Variants in GLIS3 observed in about 807,000 individuals in gnomAD.
GLIS3 encodes the protein zinc finger protein GLIS3.
Under a neutral mutation model 78.6 loss-of-function variants are expected in GLIS3, and 53 were observed. That is an observed-to-expected ratio of 0.67 (90% CI 0.54 to 0.85). GLIS3 has a LOEUF of 0.85. GLIS3 is among the 40% of genes least tolerant of loss of function. The pLI, the probability that GLIS3 is intolerant of heterozygous loss-of-function variation, is 0.00. For synonymous variants in GLIS3, 684 were observed against 509.9 expected (o/e 1.34, Z -4.60); for missense variants, 1,703 against 1,231.1 (o/e 1.38, Z -5.74).
intron 2 of GLIS3, among the ~76,000 whole-genome samples, chr9:4,188,304 A>G (rs1382664003): frequency 6.7e-6 from 1 of 149,562 alleles, no homozygotes; most frequent in Non-Finnish European, 1.5e-5. Flanking sequence ...ACATTTATTG[A>G]TTTGTGTATA....
intron 6 of GLIS3, among the ~76,000 whole-genome samples, chr9:3,906,146 T>C (rs1038227657): frequency 2.0e-5 from 3 of 152,188 alleles, no homozygotes; most frequent in African/African-American, 4.8e-5. Context: ...GGTCAGATCA[T>C]GTGAGGCCTT....
At chr9:4,265,186 A>AG (rs200287982) in intron 2 of GLIS3, among the ~76,000 whole-genome samples, 30,587 of 148,648 alleles carry the variant, frequency 0.21, 3,439 homozygotes, top group Admixed American at 0.25. Flanking sequence ...AAAAAAAAAA[A>AG]AAAGAAATAA....
intron 2 of GLIS3, among the ~76,000 whole-genome samples, chr9:4,320,479 C>T (rs1168183302): frequency 6.6e-6 from 1 of 152,196 alleles, no homozygotes; most frequent in East Asian, 1.9e-4. Context: ...TCCTTCACAC[C>T]TTTCTCTCTG....
intron 2 of GLIS3, among the ~76,000 whole-genome samples, chr9:4,338,460 G>C (rs1817787471): frequency 6.6e-6 from 1 of 151,736 alleles, no homozygotes; most frequent in Middle Eastern, 3.2e-3. Flanking sequence ...TGAGAATTCA[G>C]CTCAGGACTG....
chr9:4,067,650 C>A (rs1354888056), intron 4 of GLIS3, among the ~76,000 whole-genome samples: 1 of 152,062 alleles, frequency 6.6e-6, no homozygotes, highest in Non-Finnish European at 1.5e-5. Context: ...AGAGCAAACA[C>A]TCACAAAGGG....
intron 2 of GLIS3, among the ~76,000 whole-genome samples, chr9:4,317,630 A>T (rs370383016): frequency 6.6e-6 from 1 of 152,358 alleles, no homozygotes. Context: ...TTCATTAGTC[A>T]TAGATTCTAA....
intron 2 of GLIS3, among the ~76,000 whole-genome samples, chr9:4,319,806 T>C (rs1425249829): frequency 6.6e-6 from 1 of 152,174 alleles, no homozygotes; most frequent in Non-Finnish European, 1.5e-5. Context: ...CCTCTTAAAA[T>C]GTTATCACAA....
chr9:4,193,670 T>G (rs1159829557), intron 2 of GLIS3, among the ~76,000 whole-genome samples: 1 of 152,172 alleles, frequency 6.6e-6, no homozygotes, highest in African/African-American at 2.4e-5. Flanking sequence ...CTGTTTTGAA[T>G]AACTAGGGAA....
chr9:3,856,235 C>T lies in GLIS3; in HGVS notation c.2298-51G>A, dbSNP rs1299521137. The stretch of plus-strand genomic sequence containing the variant: ...CATGAGGGACATAAAACAGCAGGAA[C>T]AAAGACAAACTCTCCAAAGCCAAAT... On this transcript the variant is annotated intron_variant, in intron 8 of 10. Transcript: ENST00000381971. The T allele has an allele frequency of 3.9e-6, 6 of 1,538,330 alleles. No homozygotes were observed. The Admixed American group carries it at 1.1e-4, about 28-fold the overall frequency.
the GLIS3 span, among the ~76,000 whole-genome samples, chr9:4,476,127 C>A: frequency 1.3e-5 from 2 of 151,834 alleles, no homozygotes; most frequent in Non-Finnish European, 2.9e-5. Flanking sequence ...TCTTAAAAAC[C>A]AGTTTCTGAC....
At chr9:4,151,181 G>A (rs1243124192) in intron 2 of GLIS3, 1 of 152,112 alleles carries the variant, frequency 6.6e-6, no homozygotes, top group African/African-American at 2.4e-5. Context: ...ATCTGAAAAC[G>A]CCACCAGAGA....
At chr9:3,880,749 C>A (rs887026946) in intron 7 of GLIS3, among the ~76,000 whole-genome samples, 1 of 152,160 alleles carries the variant, frequency 6.6e-6, no homozygotes, top group African/African-American at 2.4e-5. Flanking sequence ...ACCTAGCCCC[C>A]AAAAGCTTAA....
chr9:4,446,762 C>T, the GLIS3 span, among the ~76,000 whole-genome samples: 9 of 151,648 alleles, frequency 5.9e-5, no homozygotes, highest in South Asian at 2.1e-4. Flanking sequence ...TGACCTGCCT[C>T]GGCCTCCCAA....
At position 4,105,825 on chromosome 9, in the gene GLIS3, C is replaced by G. The variant is rs1001039350; in HGVS notation, c.1710+11943G>C. On this transcript the variant is annotated intron_variant, in intron 4 of 10. Transcript: ENST00000381971. ...TGGGCACAGCACAAAACCAGAGTCA[C>G]AATCTAAATCTGGCCTTTCCAGGAC... is the stretch of plus-strand genomic sequence containing the variant. Among the ~76,000 whole-genome samples, 5 of 152,146 alleles carry G rather than the reference C, an allele frequency of 3.3e-5. No individual in the cohort carries two copies. The South Asian group carries it at 8.3e-4, about 25-fold the overall frequency.
the GLIS3 span, among the ~76,000 whole-genome samples, chr9:4,383,525 T>C: frequency 6.6e-6 from 1 of 152,234 alleles, no homozygotes; most frequent in East Asian, 1.9e-4. Flanking sequence ...TACTAACAAA[T>C]TAAGAACAGC....
At chr9:3,916,673 C>T (rs1173168374) in intron 6 of GLIS3, among the ~76,000 whole-genome samples, 1 of 152,166 alleles carries the variant, frequency 6.6e-6, no homozygotes, top group Admixed American at 6.5e-5. Context: ...GATTAAAACA[C>T]TTACTCTTTA....
At chr9:3,933,694 AAAAC>A (rs927293203) in intron 5 of GLIS3, among the ~76,000 whole-genome samples, 4 of 152,186 alleles carry the variant, frequency 2.6e-5, no homozygotes, top group South Asian at 4.1e-4. Flanking sequence ...TGTTATAGTA[AAAAC>A]AAACAAACAA....
intron 4 of GLIS3, among the ~76,000 whole-genome samples, chr9:3,953,795 C>CTCTCTCTCTATATATATATATATATATA (rs1403671770): frequency 1.4e-5 from 1 of 73,330 alleles, no homozygotes; most frequent in African/African-American, 5.7e-5. Flanking sequence ...CTCTCTCTCT[C>CTCTCTCTCTATATATATATATATATATA]TATATATATA....
intron 2 of GLIS3, among the ~76,000 whole-genome samples, chr9:4,140,802 C>CCTTTTTT (rs113682971): frequency 6.7e-6 from 1 of 148,634 alleles, no homozygotes; most frequent in African/African-American, 2.5e-5. Flanking sequence ...TTGAATTTAT[C>CCTTTTTT]TTTTTTTTTT....
Sources: allele counts gnomAD v4.1 joint callset (sites outside exome capture counted in the v4.1 genomes callset), GRCh38; gene constraint gnomAD v4.1.1; transcripts MANE v1.5; gene names NCBI Gene and HGNC (gene_info 2026-07-23, HGNC 2026-07-21).